The following TBRG1 variants were observed in gnomAD, a reference collection of about 807,000 sequenced individuals.
TBRG1 encodes nuclear interactor of ARF and MDM2.
TBRG1 carries 31 observed loss-of-function variants against 44.0 expected under a neutral mutation model. That is an observed-to-expected ratio of 0.70 (90% CI 0.53 to 0.95). The LOEUF (loss-of-function observed/expected upper bound fraction) is 0.95, where lower values mean the gene tolerates loss of function less well. Ranked by LOEUF, TBRG1 falls within the 40% of genes least tolerant of loss-of-function variation. The probability of loss-of-function intolerance (pLI) is 0.00; values close to 1 mark genes in which losing one functional copy is unlikely to be tolerated. For synonymous variants in TBRG1, 171 were observed against 188.1 expected (o/e 0.91, Z 0.74); for missense variants, 487 against 496.1 (o/e 0.98, Z 0.18).
At chr11:124,623,396 TTC>T (rs768725234) in intron 1 of TBRG1, 163 bp downstream of exon 1, 3 of 787,856 alleles carry the variant, frequency 3.8e-6, no homozygotes, top group Non-Finnish European at 6.5e-6. Flanking sequence ...ATTACGTAAT[TTC>T]TCTGTGTCCT....
intron 5 of TBRG1, chr11:124,630,103 C>T (rs1942575512): frequency 6.7e-6 from 2 of 296,920 alleles, no homozygotes; most frequent in Non-Finnish European, 1.3e-5. Flanking sequence ...TGTATTTGTA[C>T]TTAAGGATAT....
Position 124,632,269 on chromosome 11 carries a change from T to C in TBRG1, c.*31T>C. On this transcript the variant is annotated 3_prime_UTR_variant, in exon 9 of 9. Transcript: ENST00000441174. ...AAGGGATCAGATGCCACATCGTTTT[T>C]GTCGTGATTAATTTAACTTAAACTA... The C allele has an allele frequency of 6.2e-7, 1 of 1,600,726 alleles. No homozygotes were observed. The highest frequency in any genetic ancestry group is 8.5e-7 in the Non-Finnish European group (1 of 1,173,292).
At chr11:124,626,393 C>T (rs2134326849) in intron 3 of TBRG1, 80 bp from the exon 4 acceptor site, 1 of 1,291,016 alleles carries the variant, frequency 7.7e-7, no homozygotes, top group Non-Finnish European at 1.1e-6. Context: ...TTATTGCCCT[C>T]ACCATTCACG....
chr11:124,625,503 T>C (rs1565398851), intron 2 of TBRG1, among the ~76,000 whole-genome samples, 168 bp from the exon 3 acceptor site: 1 of 152,258 alleles, frequency 6.6e-6, no homozygotes, highest in Admixed American at 6.5e-5. Context: ...TCTTGAAGTA[T>C]TGATTATCCT....
intron 7 of TBRG1, 92 bp downstream of exon 7, chr11:124,630,947 G>A: frequency 1.0e-6 from 1 of 956,246 alleles, no homozygotes; most frequent in South Asian, 1.4e-5. Context: ...GACCTTCTGT[G>A]TCCAAAGCCT....
rs377377087 is a variant in TBRG1 at position 124,635,142 on chromosome 11, G to A, written c.*2904G>A. The A allele has an allele frequency of 1.3e-5, 2 of 152,172 alleles. No homozygotes were observed. The highest frequency in any genetic ancestry group is 4.1e-4 in the South Asian group (2 of 4,834). The allele number at this position is 152,172 out of a possible 1,614,324, so 9.4% of individuals were successfully genotyped here. On this transcript the variant is annotated 3_prime_UTR_variant, in exon 9 of 9. Coordinates refer to ENST00000441174, the MANE Select transcript of TBRG1 (RefSeq NM_032811.3). Reference sequence around the variant, plus strand: ...TTCTTGGCTACCTCTGGCTGCCCCCGAATTAGAACAGCCCATGGGGGTATG... The same window carrying A: ...TTCTTGGCTACCTCTGGCTGCCCCCAAATTAGAACAGCCCATGGGGGTATG...
Position 124,631,765 on chromosome 11 carries a change from T to C in TBRG1, c.1091-328T>C, listed in dbSNP as rs1942616546. On this transcript the variant is annotated intron_variant, in intron 8 of 8. Transcript: ENST00000441174. ...AAGTCAGTGGGGTCAAGTCAAGGCC[T>C]TGGCCCTGCCTGTGTTCCATGAGTT... 1.1e-5 allele frequency: 5 copies of C among 439,428 alleles called. No individual in the cohort carries two copies. In the South Asian group the frequency reaches 1.3e-4, roughly 12 times the overall value. The allele number at this position is 439,428 out of a possible 1,614,324, so 27.2% of individuals were successfully genotyped here.
In TBRG1 at chr11:124,632,167, C is replaced by A; in HGVS notation, c.1165C>A (p.Pro389Thr). ...SYQPMYLTHE[P>T]LVDTHLQHLK... is the part of the protein sequence containing the mutation. ...CCAGCCCATGTACCTGACACATGAACCCTTGGTAGATACTCACCTGCAGCA... is the reference window on the plus strand; with the variant it reads ...CCAGCCCATGTACCTGACACATGAAACCTTGGTAGATACTCACCTGCAGCA... Residue 389 changes from proline to threonine, a missense_variant, in exon 9 of 9, where the codon CCC (proline) becomes ACC (threonine). By Grantham distance (38) the Pro-to-Thr change is conservative (BLOSUM62 -1). Transcript: ENST00000441174. The A allele has an allele frequency of 6.2e-7, 1 of 1,613,586 alleles. No individual in the cohort carries two copies. Among genetic ancestry groups the A allele is most frequent in the Non-Finnish European group, 8.5e-7 (1 of 1,179,556 alleles).
intron 5 of TBRG1, among the ~76,000 whole-genome samples, chr11:124,627,645 G>A (rs1306469583): frequency 1.3e-5 from 2 of 152,136 alleles, no homozygotes; most frequent in East Asian, 3.9e-4. Flanking sequence ...TAAGGTAGAA[G>A]GAAGTAGAGG....
At chr11:124,626,644 C>T in intron 4 of TBRG1, 35 bp downstream of exon 4, 1 of 1,550,328 alleles carries the variant, frequency 6.5e-7, no homozygotes, top group East Asian at 2.4e-5. Flanking sequence ...AGAGGAGAAT[C>T]AGGGAAATAC....
intron 5 of TBRG1, chr11:124,630,186 G>A: frequency 1.9e-6 from 1 of 517,788 alleles, no homozygotes; most frequent in Non-Finnish European, 3.5e-6. Flanking sequence ...AAGAAGGGTA[G>A]AACTGAAACA....
At chr11:124,631,500 A>G (rs1485561634) in intron 8 of TBRG1, 83 bp downstream of exon 8, 8 of 1,375,216 alleles carry the variant, frequency 5.8e-6, no homozygotes, top group South Asian at 1.2e-5. Flanking sequence ...CGAGTACCCT[A>G]AATATCTATG....
Position 124,632,486 on chromosome 11 carries a change from C to A in TBRG1, c.*248C>A. 5.8e-6 allele frequency: 2 copies of A among 346,858 alleles called. No homozygotes were observed. Among genetic ancestry groups the A allele is most frequent in the Non-Finnish European group, 1.1e-5 (2 of 187,854 alleles). The allele number at this position is 346,858 out of a possible 1,614,324, so 21.5% of individuals were successfully genotyped here. A position where few individuals can be genotyped will look rare whatever the true frequency, so the allele number is the denominator to read the frequency against. Reference sequence around the variant, plus strand: ...TCGGGATGTAATCTTTTTTGCTTAGCTCTGCCTGAGGTAAAGTAAACTTCA... The same window carrying A: ...TCGGGATGTAATCTTTTTTGCTTAGATCTGCCTGAGGTAAAGTAAACTTCA... On this transcript the variant is annotated 3_prime_UTR_variant, in exon 9 of 9. Coordinates refer to ENST00000441174, the MANE Select transcript of TBRG1 (RefSeq NM_032811.3).
intron 5 of TBRG1, among the ~76,000 whole-genome samples, chr11:124,628,325 G>T (rs1942530632): frequency 6.7e-6 from 1 of 150,012 alleles, no homozygotes; most frequent in South Asian, 2.1e-4. Flanking sequence ...AGATGAAAAG[G>T]CTTTCTTTAG....
rs1420007982 is a variant in TBRG1, at chr11:124,633,709, A to G, written c.*1471A>G. On this transcript the variant is annotated 3_prime_UTR_variant, in exon 9 of 9. Transcript: ENST00000441174. ...ATGTAAAAGAAACAAACTTTGTATA[A>G]TAGCAAATCGGGAAGGGGACTGCTT... is the stretch of plus-strand genomic sequence containing the variant. The G allele has an allele frequency of 6.7e-6, 1 of 149,656 alleles. No individual in the cohort carries two copies. The highest frequency in any genetic ancestry group is 2.6e-5 in the African/African-American group (1 of 38,950). 9.3% of individuals were successfully genotyped at this position (149,656 alleles called of 1,614,324 possible). A position where few individuals can be genotyped will look rare whatever the true frequency, so the allele number is the denominator to read the frequency against.
Position 124,624,695 on chromosome 11 carries a change from C to G in TBRG1, c.151-236C>G, listed in dbSNP as rs142276853. On this transcript the variant is annotated intron_variant, in intron 1 of 8. Coordinates refer to ENST00000441174, the MANE Select transcript of TBRG1 (RefSeq NM_032811.3). Reference sequence around the variant, plus strand: ...TCTGGCATAAGCATTAATAGTACCCCCTTTTCACTCAAAGATGTCCCGGAT... The same window carrying G: ...TCTGGCATAAGCATTAATAGTACCCGCTTTTCACTCAAAGATGTCCCGGAT... 1.4e-4 allele frequency among the ~76,000 whole-genome samples: 21 copies of G among 152,286 alleles called. No homozygotes were observed. In the East Asian group the frequency reaches 4.1e-3, roughly 29 times the overall value.
At chr11:124,628,171 A>G (rs1439908498) in intron 5 of TBRG1, among the ~76,000 whole-genome samples, 2 of 142,176 alleles carry the variant, frequency 1.4e-5, no homozygotes, top group African/African-American at 5.1e-5. Flanking sequence ...TAATTCTTGT[A>G]TCTCTTTCCA....
rs1253150908 is a variant in TBRG1, at chr11:124,624,976, T to A, written c.196T>A (p.Phe66Ile). 1.3e-6 allele frequency: 2 copies of A among 1,550,072 alleles called. No individual in the cohort carries two copies. Among genetic ancestry groups the A allele is most frequent in the Non-Finnish European group, 1.7e-6 (2 of 1,146,082 alleles). The change falls in exon 2 of 9, where the codon TTT becomes ATT. Residue 66 changes from phenylalanine (F) to isoleucine (I), a missense_variant. Transcript: ENST00000441174. ...CDEIARLEEKFLKAKEERRYL... is the reference protein window; with the variant it reads ...CDEIARLEEKILKAKEERRYL... Reference sequence around the variant, plus strand: ...TGAAATTGCTCGTCTTGAGGAAAAATTTCTTAAAGCAAAAGAAGAAAGAAG... The same window carrying A: ...TGAAATTGCTCGTCTTGAGGAAAAAATTCTTAAAGCAAAAGAAGAAAGAAG...
chr11:124,630,602 C>G (rs1408026417), intron 6 of TBRG1, 117 bp downstream of exon 6: 1 of 1,033,542 alleles, frequency 9.7e-7, no homozygotes, highest in Non-Finnish European at 1.5e-6. Context: ...ATCCTGGATC[C>G]TCCTGACATT....
Sources: allele counts gnomAD v4.1 joint callset (sites outside exome capture counted in the v4.1 genomes callset), GRCh38; gene constraint gnomAD v4.1.1; transcripts MANE v1.5; gene names NCBI Gene and HGNC (gene_info 2026-07-23, HGNC 2026-07-21).